Variants in GRID2 observed in about 807,000 individuals in gnomAD.
The protein encoded by GRID2 is glutamate ionotropic receptor delta type subunit 2, also known as glutamate receptor ionotropic, delta-2.
In GRID2, 33 loss-of-function variants were observed where a neutral mutation model predicts 114.8. The ratio of observed to expected loss-of-function variants is 0.29; its 90% CI spans 0.22 to 0.38. The LOEUF (loss-of-function observed/expected upper bound fraction) is 0.38, where lower values mean the gene tolerates loss of function less well. GRID2 is among the 10% of genes least tolerant of loss of function. GRID2 has a pLI of 1.00. For missense variants in GRID2, 1,184 were observed against 1,257.7 expected, an observed-to-expected ratio of 0.94 and a Z score of 0.89; for synonymous variants, 505 against 449.9, an observed-to-expected ratio of 1.12 and a Z score of -1.55.
intron 14 of GRID2, among the ~76,000 whole-genome samples, chr4:93,677,648 G>A (rs1042009797): frequency 1.1e-4 from 17 of 152,232 alleles, no homozygotes; most frequent in African/African-American, 3.4e-4. Context: ...TGCAGACACC[G>A]CTGCTGATAC....
chr4:92,453,487 T>C (rs900398058), intron 1 of GRID2, among the ~76,000 whole-genome samples: 1 of 152,208 alleles, frequency 6.6e-6, no homozygotes, highest in Non-Finnish European at 1.5e-5. Context: ...CATACATAAG[T>C]ATCAAAAACC....
At chr4:92,469,635 T>A (rs1258092270) in intron 1 of GRID2, among the ~76,000 whole-genome samples, 1 of 151,950 alleles carries the variant, frequency 6.6e-6, no homozygotes, top group Non-Finnish European at 1.5e-5. Context: ...AGAAGGCCGA[T>A]TGTAACCGAT....
intron 4 of GRID2, among the ~76,000 whole-genome samples, chr4:93,139,232 A>C (rs1735540506): frequency 6.6e-6 from 1 of 152,176 alleles, no homozygotes; most frequent in African/African-American, 2.4e-5. Flanking sequence ...GGGTGAGGGG[A>C]GACAGTGGTT....
At chr4:92,343,619 G>A (rs1727623035) in intron 1 of GRID2, among the ~76,000 whole-genome samples, 1 of 152,126 alleles carries the variant, frequency 6.6e-6, no homozygotes, top group Non-Finnish European at 1.5e-5. Flanking sequence ...TGTAGCCCAG[G>A]CTGGAGTGCA....
At chr4:93,434,135 T>C (rs1405038252) in intron 10 of GRID2, among the ~76,000 whole-genome samples, 1 of 152,214 alleles carries the variant, frequency 6.6e-6, no homozygotes, top group Admixed American at 6.5e-5. Flanking sequence ...TTCAAGAATG[T>C]GTTGCAGGAA....
intron 11 of GRID2, among the ~76,000 whole-genome samples, chr4:93,461,882 C>G (rs146054444): frequency 4.9e-4 from 74 of 152,186 alleles, no homozygotes; most frequent in African/African-American, 1.8e-3. Context: ...TTTTAGAAGT[C>G]TCTTATGTTT....
At chr4:93,127,755 G>A (rs1734408337) in intron 4 of GRID2, among the ~76,000 whole-genome samples, 1 of 151,956 alleles carries the variant, frequency 6.6e-6, no homozygotes, top group African/African-American at 2.4e-5. Context: ...TCTAGTTCTT[G>A]GGAGGCTGAG....
chr4:93,362,688 C>T (rs752154834), intron 8 of GRID2, among the ~76,000 whole-genome samples: 1 of 152,006 alleles, frequency 6.6e-6, no homozygotes, highest in Non-Finnish European at 1.5e-5. Flanking sequence ...CTTCTCAGGC[C>T]TGCACCACTG....
chr4:93,065,792 A>G (rs1728240498), intron 2 of GRID2, among the ~76,000 whole-genome samples: 1 of 151,730 alleles, frequency 6.6e-6, no homozygotes, highest in African/African-American at 2.4e-5. Flanking sequence ...ATTTTTCCTT[A>G]TGGTTCTTTA....
At chr4:93,784,192 G>A (rs909249307) in intron 1 of GRID2, among the ~76,000 whole-genome samples, 8 of 150,314 alleles carry the variant, frequency 5.3e-5, no homozygotes, top group African/African-American at 2.0e-4. Flanking sequence ...GCACATGCTA[G>A]CCTCTACCTG....
intron 2 of GRID2, among the ~76,000 whole-genome samples, chr4:92,958,559 G>T (rs1052304107): frequency 3.3e-5 from 5 of 152,022 alleles, no homozygotes; most frequent in African/African-American, 1.2e-4. Flanking sequence ...TACATTGTTG[G>T]ATTTGATTTG....
intron 2 of GRID2, 112 bp downstream of exon 2, chr4:92,590,398 A>G: frequency 2.7e-6 from 2 of 729,422 alleles, no homozygotes; most frequent in Non-Finnish European, 4.6e-6. Flanking sequence ...TGTTGATAAT[A>G]GGGCATTATT....
chr4:92,527,868 A>C (rs1725121972), intron 1 of GRID2, among the ~76,000 whole-genome samples: 1 of 152,096 alleles, frequency 6.6e-6, no homozygotes. Flanking sequence ...TGAACATAGC[A>C]TTATTGCTTC....
chr4:93,186,248 G>T (rs1031989336), intron 4 of GRID2, among the ~76,000 whole-genome samples: 4 of 152,096 alleles, frequency 2.6e-5, no homozygotes, highest in African/African-American at 4.8e-5. Flanking sequence ...ATATACTTGG[G>T]TATATACCCA....
intron 4 of GRID2, among the ~76,000 whole-genome samples, chr4:93,141,316 AT>A (rs1197952334): frequency 6.6e-6 from 1 of 152,178 alleles, no homozygotes; most frequent in Non-Finnish European, 1.5e-5. Context: ...ATTTAAACAA[AT>A]TGCATATGAG....
At chr4:92,339,829 A>T (rs769947204) in intron 1 of GRID2, among the ~76,000 whole-genome samples, 4 of 152,194 alleles carry the variant, frequency 2.6e-5, no homozygotes, top group Non-Finnish European at 5.9e-5. Context: ...TCCCTTGCCA[A>T]GTTATTCTAC....
chr4:92,374,944 AG>A (rs1729286309), intron 1 of GRID2, among the ~76,000 whole-genome samples: 1 of 152,148 alleles, frequency 6.6e-6, no homozygotes, highest in Non-Finnish European at 1.5e-5. Flanking sequence ...ACCATACCTG[AG>A]ACAGACTTAT....
At chr4:93,594,165 C>T (rs190664766) in intron 13 of GRID2, among the ~76,000 whole-genome samples, 2,519 of 151,378 alleles carry the variant, frequency 0.017, 33 homozygotes, top group Middle Eastern at 0.034. Flanking sequence ...TCTGTTCTGT[C>T]TTTTCCCCAT....
At chr4:93,485,011 TTGAC>T (rs923031126) in intron 11 of GRID2, among the ~76,000 whole-genome samples, 24 of 152,008 alleles carry the variant, frequency 1.6e-4, no homozygotes, top group Middle Eastern at 3.4e-3. Flanking sequence ...ATCAGAATGA[TTGAC>T]TGAACCAATT....
Sources: allele counts gnomAD v4.1 joint callset (sites outside exome capture counted in the v4.1 genomes callset), GRCh38; gene constraint gnomAD v4.1.1; transcripts MANE v1.5; gene names NCBI Gene and HGNC (gene_info 2026-07-23, HGNC 2026-07-21).